Variants in RNF213 observed in about 807,000 individuals in gnomAD.
The protein encoded by RNF213 is ring finger protein 213.
In RNF213, 341 loss-of-function variants were observed where a neutral mutation model predicts 514.4. The observed-to-expected ratio is 0.66, with a 90% confidence interval of 0.61 to 0.73. The LOEUF (loss-of-function observed/expected upper bound fraction) is 0.73, where lower values mean the gene tolerates loss of function less well. Ranked by LOEUF, RNF213 falls within the 30% of genes least tolerant of loss-of-function variation. RNF213 has a pLI of 0.00. For synonymous variants in RNF213, 2,655 were observed against 2,658.2 expected, an observed-to-expected ratio of 1.00 and a Z score of 0.04; for missense variants, 5,767 against 6,615.6, an observed-to-expected ratio of 0.87 and a Z score of 4.45.
Position 80,291,886 on chromosome 17 carries a change from G to A in RNF213, c.1471+59G>A, listed in dbSNP as rs766008100. On this transcript the variant is annotated intron_variant, in intron 8 of 67. Coordinates refer to ENST00000582970, the MANE Select transcript of RNF213 (RefSeq NM_001256071.3). ...TCCGGAGTGCAGGTGCCAATCCCGC[G>A]GTACTGGACGCGTCTCTCTGGAGAG... The A allele has an allele frequency of 1.6e-5, 25 of 1,574,706 alleles. 1 individual carries two copies. Among genetic ancestry groups the A allele is most frequent in the South Asian group, 1.1e-4 (10 of 89,894 alleles).
chr17:80,390,073 T>G lies in RNF213; in HGVS notation c.15347T>G (p.Leu5116Arg). Residue 5116 changes from leucine to arginine, a missense_variant, in exon 67 of 68, where the codon CTC becomes CGC. Around this residue, in one of 13 missense-constraint regions of RNF213, gnomAD observed 1,245 missense variants for 1,339.0 expected, o/e 0.93. Transcript: ENST00000582970. ...KADLSPENAK[L>R]LSTFLNQTGL... ...GATCTGAGCCCGGAAAATGCTAAGC[T>G]CCTCAGCACATTCCTAAATCAGACT... is the stretch of plus-strand genomic sequence containing the variant. 1 of 1,614,162 alleles carries G rather than the reference T, an allele frequency of 6.2e-7. No homozygotes were observed.
chr17:80,391,152 C>T (rs1004943776), intron 67 of RNF213, among the ~76,000 whole-genome samples: 23 of 152,186 alleles, frequency 1.5e-4, no homozygotes, highest in African/African-American at 5.1e-4. Flanking sequence ...CCATCTTTTA[C>T]ATAGTTGCCA....
At chr17:80,326,413 T>C (rs35968416) in intron 18 of RNF213, among the ~76,000 whole-genome samples, 13,975 of 152,274 alleles carry the variant, frequency 0.092, 1,217 homozygotes, top group East Asian at 0.46. Context: ...GTTAGTAACA[T>C]GCAGCATTAG....
intron 59 of RNF213, 35 bp downstream of exon 59, chr17:80,383,963 C>T (rs757362658): frequency 1.3e-5 from 21 of 1,613,972 alleles, no homozygotes; most frequent in East Asian, 8.9e-5. Flanking sequence ...CTCCCTCTTT[C>T]GGTGCAGAGT....
intron 3 of RNF213, among the ~76,000 whole-genome samples, chr17:80,281,796 A>G (rs2044312271): frequency 6.6e-6 from 1 of 152,190 alleles, no homozygotes; most frequent in African/African-American, 2.4e-5. Context: ...GCCCAGTCCC[A>G]GATATGAAAC....
chr17:80,289,778 TG>T lies in RNF213; in HGVS notation c.1054del (p.Val352Ter). On this transcript the variant is annotated frameshift_variant, in exon 6 of 68. Coordinates refer to ENST00000582970, the MANE Select transcript of RNF213 (RefSeq NM_001256071.3). LOFTEE classifies it high-confidence loss of function. Reference sequence around the variant, plus strand: ...AGGGGAAGAACAGAAGTGCAGCTGCTGTGAAAAACGAGAAGGAGCAAAAAAA... The same window carrying T: ...AGGGGAAGAACAGAAGTGCAGCTGCTTGAAAAACGAGAAGGAGCAAAAAAA... Reference protein sequence around the residue: ...PEGKNRSAAAVKNEKEQKNQE... With the variant: ...PEGKNRSAAAXKNEKEQKNQE... 6.2e-7 allele frequency: 1 copy of T among 1,613,448 alleles called. No individual in the cohort carries two copies. The highest frequency in any genetic ancestry group is 2.2e-5 in the East Asian group (1 of 44,844).
intron 16 of RNF213, among the ~76,000 whole-genome samples, chr17:80,318,023 A>G (rs1337809992): frequency 1.3e-5 from 2 of 152,168 alleles, no homozygotes; most frequent in Non-Finnish European, 2.9e-5. Flanking sequence ...CCTCTGGTCC[A>G]GGTGTCTGGC....
At chr17:80,298,978 AAAAC>A (rs1168045068) in intron 11 of RNF213, among the ~76,000 whole-genome samples, 28 of 152,238 alleles carry the variant, frequency 1.8e-4, no homozygotes, top group African/African-American at 6.3e-4. Flanking sequence ...GACTCTGTCT[AAAAC>A]AAACAAACAA....
At chr17:80,290,468 T>G in intron 6 of RNF213, 102 bp from the exon 7 acceptor site, 2 of 1,380,570 alleles carry the variant, frequency 1.4e-6, no homozygotes, top group Non-Finnish European at 2.1e-6. Flanking sequence ...CATGTGTGTG[T>G]GCACGTGTGT....
rs2077988007 is a variant in RNF213, at chr17:80,336,381, G to A, written c.4527+3G>A. On this transcript the variant is annotated splice_donor_region_variant and intron_variant, in intron 23 of 67. Transcript: ENST00000582970. ...ACCAGTACCTGCCCAGGAAACTGGT[G>A]AGTCTTATTCTGTCTCTAATGCAGA... The A allele has an allele frequency of 2.6e-6, 4 of 1,536,700 alleles. No homozygotes were observed. Among genetic ancestry groups the A allele is most frequent in the Admixed American group, 2.0e-5 (1 of 50,982 alleles).
intron 3 of RNF213, among the ~76,000 whole-genome samples, chr17:80,277,972 C>T (rs540874953): frequency 4.6e-5 from 7 of 152,310 alleles, no homozygotes; most frequent in African/African-American, 9.6e-5. Flanking sequence ...GAGGGGCCCG[C>T]GCCTGTCCCT....
chr17:80,361,900 G>C lies in RNF213; in HGVS notation c.11355+12G>C. ...AGGAGGAATTAAAGGTAGATGTTTA[G>C]ATACTGGCTAAGGGTCAGGTGTAGA... On this transcript the variant is annotated intron_variant, in intron 39 of 67. Coordinates refer to ENST00000582970, the MANE Select transcript of RNF213 (RefSeq NM_001256071.3). 1 of 1,609,964 alleles carries C rather than the reference G, an allele frequency of 6.2e-7. No individual in the cohort carries two copies. The highest frequency in any genetic ancestry group is 8.5e-7 in the Non-Finnish European group (1 of 1,177,418).
intron 8 of RNF213, among the ~76,000 whole-genome samples, chr17:80,294,088 A>G (rs2044847291): frequency 6.6e-6 from 1 of 152,172 alleles, no homozygotes; most frequent in South Asian, 2.1e-4. Flanking sequence ...TGACCCTGTC[A>G]TTGACATCTT....
chr17:80,332,530 C>T lies in RNF213; in HGVS notation c.4042C>T (p.His1348Tyr), dbSNP rs994214756. The part of the protein sequence containing the change: ...DRVEQIKEYH[H>Y]LHQAVHAAKV... ...AGTCGAACAGATCAAGGAATACCAT[C>T]ACCTGCACCAGGCTGTCCACGCAGC... Residue 1348 changes from histidine (H) to tyrosine (Y), a missense_variant, in exon 21 of 68, where the codon CAC (histidine) becomes TAC (tyrosine). Coordinates refer to ENST00000582970, the MANE Select transcript of RNF213 (RefSeq NM_001256071.3). 1.5e-5 allele frequency: 23 copies of T among 1,536,910 alleles called. No individual in the cohort carries two copies. The Admixed American group carries it at 4.5e-4, about 30-fold the overall frequency.
chr17:80,376,357 TATC>T lies in RNF213; in HGVS notation c.13244_13246del (p.Ile4415del). On this transcript the variant is annotated inframe_deletion, in exon 52 of 68. Transcript: ENST00000582970. ...AATGCAAGATCCTTTCACCTCCTGA[TATC>T]AGCCGTTTTGCAACATCGCTCGTGG... 1.9e-6 allele frequency: 3 copies of T among 1,614,230 alleles called. No individual in the cohort carries two copies. The highest frequency in any genetic ancestry group is 2.5e-6 in the Non-Finnish European group (3 of 1,180,028).
intron 55 of RNF213, 155 bp downstream of exon 55, chr17:80,379,869 G>A (rs2079916250): frequency 2.8e-6 from 2 of 703,158 alleles, no homozygotes; most frequent in Admixed American, 2.0e-5. Context: ...AGTCCCAGCA[G>A]TCACACAGCA....
intron 6 of RNF213, among the ~76,000 whole-genome samples, 154 bp from the exon 7 acceptor site, chr17:80,290,414 CGT>C (rs34733680): frequency 4.8e-5 from 7 of 146,602 alleles, no homozygotes; most frequent in South Asian, 2.2e-4. Flanking sequence ...TGTGTGTGTG[CGT>C]GTGTGCGAGT....
rs1040182425 is a variant in RNF213 at position 80,319,198 on chromosome 17, C to T, written c.2910C>T (p.Pro970=). The T allele has an allele frequency of 3.7e-6, 6 of 1,614,066 alleles. No individual in the cohort carries two copies. The highest frequency in any genetic ancestry group is 5.1e-6 in the Non-Finnish European group (6 of 1,180,044). The part of the protein sequence containing the change: ...DMEWRLTKEE[P]LSQITAYCNS... ...CCCTTTGATTTTTGCAGGAGGAACC[C>T]CTCTCCCAGATCACTGCCTACTGCA... is the stretch of plus-strand genomic sequence containing the variant. The change falls in exon 17 of 68, where the codon CCC becomes CCT. Residue 970 remains proline, a synonymous_variant. Coordinates refer to ENST00000582970, the MANE Select transcript of RNF213 (RefSeq NM_001256071.3).
intron 26 of RNF213, chr17:80,340,627 T>G (rs2078129048): frequency 4.8e-6 from 2 of 419,060 alleles, no homozygotes; most frequent in South Asian, 2.7e-5. Flanking sequence ...TTTTTTTTTT[T>G]TTTTTTTTTT....
Sources: gnomAD v4.1 joint callset for allele counts (sites outside exome capture counted in the v4.1 genomes callset) on GRCh38, gnomAD v4.1.1 for gene constraint, gnomAD v4.1.1 regional missense constraint, MANE v1.5 for transcripts, NCBI Gene and HGNC (gene_info 2026-07-23, HGNC 2026-07-21) for gene names.